Variants in PPM1K observed in about 807,000 individuals in gnomAD.
PPM1K encodes the protein protein phosphatase Mn(2+)-dependent 1K.
PPM1K carries 19 observed loss-of-function variants against 32.6 expected under a neutral mutation model. That is an observed-to-expected ratio of 0.58 (90% CI 0.41 to 0.86). The LOEUF is 0.86. Among genes scored for constraint, PPM1K ranks in the 40% least tolerant of loss-of-function variants. The pLI, the probability that PPM1K is intolerant of heterozygous loss-of-function variation, is 0.00. For missense variants in PPM1K, 362 were observed against 461.2 expected (o/e 0.78, Z 1.97); for synonymous variants, 159 against 165.3 (o/e 0.96, Z 0.29).
At chr4:88,273,688 A>AG (rs1731651308) in intron 3 of PPM1K, among the ~76,000 whole-genome samples, 1 of 152,048 alleles carries the variant, frequency 6.6e-6, no homozygotes, top group Non-Finnish European at 1.5e-5. Context: ...TCAAAAAAAA[A>AG]AAAAAAGAAA....
At chr4:88,277,506 A>G in intron 2 of PPM1K, 2 of 365,508 alleles carry the variant, frequency 5.5e-6, no homozygotes, top group South Asian at 9.4e-5. Context: ...TGAGAGGTCG[A>G]GAGTTCCTTC....
In PPM1K at chr4:88,277,231, A is replaced by G. The variant is rs960185897; in HGVS notation, c.453T>C (p.Pro151=). The G allele has an allele frequency of 4.3e-6, 7 of 1,613,246 alleles. No individual in the cohort carries two copies. The highest frequency in any genetic ancestry group is 1.6e-4 in the Middle Eastern group (1 of 6,082). ...ACAGAGTTTCCAAGTTCTTCTCCTTAGGAAGCAAATCCCTTTGTGGGGAGG... is the reference window on the plus strand; with the variant it reads ...ACAGAGTTTCCAAGTTCTTCTCCTTGGGAAGCAAATCCCTTTGTGGGGAGG... The part of the protein sequence containing the change: ...HMEKCIMDLL[P]KEKNLETLLT... The change falls in exon 3 of 7, where the codon CCT becomes CCC. Residue 151 remains proline (P), a synonymous_variant. Coordinates refer to ENST00000608933, the MANE Select transcript of PPM1K (RefSeq NM_152542.5).
chr4:88,262,670 G>A lies in PPM1K; in HGVS notation c.1044C>T (p.Ala348=), dbSNP rs1224795032. ...TTTCAGAGTTCTTATATTTTCCCCA[G>A]GCACCAAAAGGCACTACTACTGCAG... The part of the protein sequence containing the change: ...NSTAVVVPFG[A]WGKYKNSEIN... The change falls in exon 7 of 7, where the codon GCC becomes GCT. Residue 348 remains alanine (A), a synonymous_variant. Coordinates refer to ENST00000608933, the MANE Select transcript of PPM1K (RefSeq NM_152542.5). The A allele has an allele frequency of 6.2e-7, 1 of 1,613,878 alleles. No homozygotes were observed. The highest frequency in any genetic ancestry group is 8.5e-7 in the Non-Finnish European group (1 of 1,179,996).
At chr4:88,266,595 CTGGGTGCAGGTGATGTTGGCTGAT>C (rs1731315734) in intron 5 of PPM1K, among the ~76,000 whole-genome samples, 1 of 124,006 alleles carries the variant, frequency 8.1e-6, no homozygotes, top group Non-Finnish European at 1.7e-5. Flanking sequence ...TGCTGGCTGA[CTGGGTGCAGGTGATGTTGGCTGAT>C]TGGGTGCAGG....
chr4:88,266,429 TGCTG>T (rs1731305976), intron 5 of PPM1K, among the ~76,000 whole-genome samples: 2 of 151,052 alleles, frequency 1.3e-5, no homozygotes, highest in South Asian at 4.2e-4. Context: ...GTGCAGGTGA[TGCTG>T]GCTGGGTGCA....
rs551361549 is a variant in PPM1K at position 88,260,631 on chromosome 4, G to C, written c.*1964C>G. The C allele has an allele frequency of 6.6e-6, 1 of 151,200 alleles. No homozygotes were observed. The highest frequency in any genetic ancestry group is 6.6e-5 in the Admixed American group (1 of 15,192). The allele number at this position is 151,200 out of a possible 1,614,324, so 9.4% of individuals were successfully genotyped here. A position where few individuals can be genotyped will look rare whatever the true frequency, so the allele number is the denominator to read the frequency against. ...ATATTTATTTAGCACTTTTTTCAAA[G>C]GGCAATTCCTGATTAATATAGGCAG... On this transcript the variant is annotated 3_prime_UTR_variant, in exon 7 of 7. Transcript: ENST00000608933.
chr4:88,277,104 T>C, intron 3 of PPM1K, 39 bp downstream of exon 3: 4 of 1,487,718 alleles, frequency 2.7e-6, no homozygotes, highest in Non-Finnish European at 3.8e-6. Flanking sequence ...CCACCCCATG[T>C]ACTCCCTAGG....
chr4:88,275,876 G>A, intron 3 of PPM1K: 1 of 985,362 alleles, frequency 1.0e-6, no homozygotes, highest in African/African-American at 1.7e-5. Context: ...TTCAGCTTCT[G>A]TCTTCTTAAA....
rs745813616 is a variant in PPM1K, at chr4:88,278,356, C to T, written c.228G>A (p.Leu76=). The change falls in exon 2 of 7, where the codon CTG becomes CTA. Residue 76 remains leucine (L), a synonymous_variant. Coordinates refer to ENST00000608933, the MANE Select transcript of PPM1K (RefSeq NM_152542.5). The surrounding 1 kb of genome is among the most constrained non-coding windows in gnomAD (Gnocchi z 4.2). ...IWDNRIDEPI[L]LPPSIKYGKP... ...TGCCATACTTAATGCTGGGTGGCAG[C>T]AGAATTGGCTCATCAATGCGGTTAT... is the stretch of plus-strand genomic sequence containing the variant. The T allele has an allele frequency of 6.2e-7, 1 of 1,614,184 alleles. No individual in the cohort carries two copies. Among genetic ancestry groups the T allele is most frequent in the South Asian group, 1.1e-5 (1 of 91,080 alleles).
intron 3 of PPM1K, among the ~76,000 whole-genome samples, chr4:88,273,616 G>T (rs575803392): frequency 2.0e-5 from 3 of 152,012 alleles, no homozygotes; most frequent in Non-Finnish European, 2.9e-5. Flanking sequence ...GGGAGGTGGA[G>T]GTTGCAGTGA....
At position 88,258,502 on chromosome 4, in the gene PPM1K, C is replaced by G. The variant is rs568298628; in HGVS notation, c.*4093G>C. The G allele has an allele frequency of 6.6e-6, 1 of 151,854 alleles. No individual in the cohort carries two copies. The highest frequency in any genetic ancestry group is 1.5e-5 in the Non-Finnish European group (1 of 68,060). The allele number at this position is 151,854 out of a possible 1,614,324, so 9.4% of individuals were successfully genotyped here. ...AATTAGCCGGGCGTGGTGGCATGCA[C>G]GAGTAGTCCCAGCTACTCCAGAGGC... is the stretch of plus-strand genomic sequence containing the variant. On this transcript the variant is annotated 3_prime_UTR_variant, in exon 7 of 7. Coordinates refer to ENST00000608933, the MANE Select transcript of PPM1K (RefSeq NM_152542.5).
intron 3 of PPM1K, among the ~76,000 whole-genome samples, chr4:88,269,605 G>A (rs1179500867): frequency 2.0e-5 from 3 of 152,172 alleles, no homozygotes; most frequent in Non-Finnish European, 4.4e-5. Flanking sequence ...CTGGGGGAGG[G>A]GAGGTGGAGA....
Position 88,266,016 on chromosome 4 carries a change from A to T in PPM1K, c.853-881T>A, listed in dbSNP as rs541298593. 3.9e-5 allele frequency among the ~76,000 whole-genome samples: 6 copies of T among 152,316 alleles called. 1 individual carries two copies. In the South Asian group the frequency reaches 1.2e-3, roughly 32 times the overall value. Reference sequence around the variant, plus strand: ...TAGATTTTCCTTGAAAAATGGGGATAGTAGTACTTATTTTGAACAGAGCCC... The same window carrying T: ...TAGATTTTCCTTGAAAAATGGGGATTGTAGTACTTATTTTGAACAGAGCCC... On this transcript the variant is annotated intron_variant, in intron 5 of 6. Transcript: ENST00000608933.
At position 88,278,055 on chromosome 4, in the gene PPM1K, G is replaced by A. The variant is rs537116155; in HGVS notation, c.440+89C>T. 24 of 1,075,092 alleles carry A rather than the reference G, an allele frequency of 2.2e-5. No homozygotes were observed. The African/African-American group carries it at 3.6e-4, about 16-fold the overall frequency. The allele number at this position is 1,075,092 out of a possible 1,614,324, so 66.6% of individuals were successfully genotyped here. ...AGCATGCAACCACTCAAGTAACTAT[G>A]TTTACGCTGGAAGCCTCAGCCAAAG... On this transcript the variant is annotated intron_variant, in intron 2 of 6. Transcript: ENST00000608933. The surrounding 1 kb of genome is among the most constrained non-coding windows in gnomAD (Gnocchi z 4.2).
chr4:88,282,651 G>A (rs1031591743), intron 1 of PPM1K, among the ~76,000 whole-genome samples: 3 of 151,950 alleles, frequency 2.0e-5, no homozygotes, highest in African/African-American at 7.3e-5. Context: ...TTACCTGAGG[G>A]GAAAAAAGAA....
chr4:88,278,357 A>G lies in PPM1K; in HGVS notation c.227T>C (p.Leu76Pro), dbSNP rs1267745098. ...GCCATACTTAATGCTGGGTGGCAGC[A>G]GAATTGGCTCATCAATGCGGTTATC... is the stretch of plus-strand genomic sequence containing the variant. ...IWDNRIDEPI[L>P]LPPSIKYGKP... The change falls in exon 2 of 7, where the codon CTG becomes CCG. Residue 76 changes from leucine to proline, a missense_variant. Coordinates refer to ENST00000608933, the MANE Select transcript of PPM1K (RefSeq NM_152542.5). This position sits in a 1 kb window ranked among gnomAD's most constrained non-coding sequence, Gnocchi z 4.2. 6.2e-7 allele frequency: 1 copy of G among 1,614,238 alleles called. No homozygotes were observed.
intron 6 of PPM1K, among the ~76,000 whole-genome samples, chr4:88,264,003 C>T (rs1283686845): frequency 2.6e-4 from 40 of 152,134 alleles, no homozygotes; most frequent in Admixed American, 2.6e-3. Context: ...TAAAATGGAA[C>T]ACTATGCATT....
At position 88,275,129 on chromosome 4, in the gene PPM1K, G is replaced by A. The variant is rs186463746; in HGVS notation, c.541+2014C>T. The stretch of plus-strand genomic sequence containing the variant: ...AATGTTCTGGGATCATTACTTCAAA[G>A]CATATGATAGAGGAATTAAATTAAA... On this transcript the variant is annotated intron_variant, in intron 3 of 6. Transcript: ENST00000608933. 1.3e-3 allele frequency: 707 copies of A among 553,616 alleles called. 3 individuals carry two copies. The African/African-American group carries it at 0.014, about 11-fold the overall frequency. The allele number at this position is 553,616 out of a possible 1,614,324, so 34.3% of individuals were successfully genotyped here.
intron 5 of PPM1K, among the ~76,000 whole-genome samples, chr4:88,267,424 G>A (rs1206221808): frequency 6.6e-6 from 1 of 152,122 alleles, no homozygotes; most frequent in Non-Finnish European, 1.5e-5. Context: ...GAGTGCAGGT[G>A]ATGCTGGCTG....
Sources: allele counts gnomAD v4.1 joint callset (sites outside exome capture counted in the v4.1 genomes callset), GRCh38; gene constraint gnomAD v4.1.1; non-coding constraint Gnocchi (gnomAD v3.1); transcripts MANE v1.5; gene names NCBI Gene and HGNC (gene_info 2026-07-23, HGNC 2026-07-21).